The following ANKRD30A variants were observed in gnomAD, a reference collection of about 807,000 sequenced individuals.
The protein encoded by ANKRD30A is ankyrin repeat domain 30A.
ANKRD30A carries 170 observed loss-of-function variants against 166.3 expected under a neutral mutation model. The observed-to-expected ratio is 1.02, with a 90% CI of 0.90 to 1.16. The LOEUF is 1.16. ANKRD30A is among the 50% of genes most tolerant of loss of function. The probability of loss-of-function intolerance (pLI) is 0.00; values close to 1 mark genes in which losing one functional copy is unlikely to be tolerated. For missense variants in ANKRD30A, 1,630 were observed against 1,518.0 expected (o/e 1.07, Z -1.23); for synonymous variants, 564 against 508.9 (o/e 1.11, Z -1.46).
chr10:37,146,144 C>T (rs1837493899), intron 8 of ANKRD30A, among the ~76,000 whole-genome samples: 1 of 150,092 alleles, frequency 6.7e-6, no homozygotes, highest in African/African-American at 2.5e-5. Flanking sequence ...CAGACTTTAT[C>T]TAATTTGTCC....
intron 28 of ANKRD30A, 28 bp downstream of exon 28, chr10:37,197,337 A>G: frequency 2.7e-5 from 44 of 1,613,216 alleles, no homozygotes; most frequent in Non-Finnish European, 3.7e-5. Flanking sequence ...TTCATTTTGA[A>G]TGACTTATTA....
rs1842611957 is a variant in ANKRD30A at position 37,216,414 on chromosome 10, A to G, written c.3083+20A>G. 1 of 1,564,092 alleles carries G rather than the reference A, an allele frequency of 6.4e-7. No homozygotes were observed. Among genetic ancestry groups the G allele is most frequent in the South Asian group, 1.2e-5 (1 of 84,198 alleles). On this transcript the variant is annotated intron_variant, in intron 32 of 35. Coordinates refer to ENST00000361713, the MANE Select transcript of ANKRD30A (RefSeq NM_052997.3). ...TGTGAGGTGTGATTTCCTAGTTTTA[A>G]ATAAATATTTCAGCTATTTATACTA...
chr10:37,218,214 A>C (rs555438697), intron 33 of ANKRD30A, among the ~76,000 whole-genome samples: 1 of 150,942 alleles, frequency 6.6e-6, no homozygotes, highest in East Asian at 1.9e-4. Context: ...AAGAGGAAGC[A>C]AAAGTTACAG....
chr10:37,137,140 T>C (rs1180232964), intron 6 of ANKRD30A, among the ~76,000 whole-genome samples: 1 of 151,958 alleles, frequency 6.6e-6, no homozygotes, highest in African/African-American at 2.4e-5. Flanking sequence ...TTAATATATT[T>C]ATAAATAAAT....
At position 37,149,962 on chromosome 10, in the gene ANKRD30A, T is replaced by G. The variant is rs1405660949; in HGVS notation, c.1645+113T>G. ...TCAACTTTGATGAAAACATTTGATC[T>G]AGATAATGCCAATACTGGTATTGAT... On this transcript the variant is annotated intron_variant, in intron 11 of 35. Coordinates refer to ENST00000361713, the MANE Select transcript of ANKRD30A (RefSeq NM_052997.3). 8.4e-6 allele frequency: 12 copies of G among 1,424,000 alleles called. No homozygotes were observed. The African/African-American group carries it at 1.0e-4, about 12-fold the overall frequency. 88.2% of individuals were successfully genotyped at this position (1,424,000 alleles called of 1,614,324 possible).
chr10:37,243,907 A>G, the ANKRD30A span, among the ~76,000 whole-genome samples: 1 of 151,908 alleles, frequency 6.6e-6, no homozygotes, highest in Non-Finnish European at 1.5e-5. Context: ...AATCAACGTC[A>G]GTAGATTGCA....
At chr10:37,237,073 A>G (rs979533338), downstream of ANKRD30A, among the ~76,000 whole-genome samples, 3 of 152,234 alleles carry the variant, frequency 2.0e-5, no homozygotes, top group African/African-American at 4.8e-5. Context: ...GCACCTAAAC[A>G]TGATTGAGCT....
intron 29 of ANKRD30A, 67 bp from the exon 30 acceptor site, chr10:37,199,660 T>C: frequency 9.5e-7 from 1 of 1,054,404 alleles, no homozygotes; most frequent in South Asian, 1.3e-5. Context: ...AGTAGATTTG[T>C]ATATGTTTTT....
rs775794106 is a variant in ANKRD30A, at chr10:37,193,231, T to C, written c.2587T>C (p.Leu863=). 6.2e-7 allele frequency: 1 copy of C among 1,611,816 alleles called. No homozygotes were observed. The highest frequency in any genetic ancestry group is 2.2e-5 in the East Asian group (1 of 44,596). The change falls in exon 27 of 36, where the codon TTG becomes CTG. Residue 863 remains leucine, a synonymous_variant. Transcript: ENST00000361713. ...KVSIPTKALE[L]MDMQTFKAEP... ...TTCTATTCCAACTAAAGCCTTAGAATTGATGGACATGCAAACTTTCAAAGC... is the reference window on the plus strand; with the variant it reads ...TTCTATTCCAACTAAAGCCTTAGAACTGATGGACATGCAAACTTTCAAAGC...
At chr10:37,191,290 T>C (rs991986174) in intron 25 of ANKRD30A, among the ~76,000 whole-genome samples, 2 of 151,948 alleles carry the variant, frequency 1.3e-5, no homozygotes, top group African/African-American at 2.4e-5. Flanking sequence ...GGAATATTTA[T>C]ATTTAATATT....
At chr10:37,157,484 G>C (rs1364922906) in intron 13 of ANKRD30A, among the ~76,000 whole-genome samples, 1 of 152,164 alleles carries the variant, frequency 6.6e-6, no homozygotes, top group Non-Finnish European at 1.5e-5. Flanking sequence ...TGGTACCTCA[G>C]GCACCCAAGT....
the ANKRD30A span, among the ~76,000 whole-genome samples, chr10:37,250,637 C>T: frequency 6.6e-6 from 1 of 152,044 alleles, no homozygotes; most frequent in Non-Finnish European, 1.5e-5. Context: ...GTTTTGAGGG[C>T]AAACCTCTCA....
rs576973979 is a variant in ANKRD30A, at chr10:37,156,509, A to T, written c.1799-1883A>T. Among the ~76,000 whole-genome samples, 448 of 152,334 alleles carry T rather than the reference A, an allele frequency of 2.9e-3. 2 individuals are homozygous for T. The highest frequency in any genetic ancestry group is 4.4e-3 in the Admixed American group (68 of 15,306). On this transcript the variant is annotated intron_variant, in intron 13 of 35. Coordinates refer to ENST00000361713, the MANE Select transcript of ANKRD30A (RefSeq NM_052997.3). ...ATAGGATTCTTAAGTGCCAAGTGAT[A>T]AATGGTTCCTTGATGATGAGCTCAC...
downstream of ANKRD30A, among the ~76,000 whole-genome samples, chr10:37,235,654 A>G (rs189834620): frequency 2.0e-5 from 3 of 152,318 alleles, no homozygotes; most frequent in Admixed American, 2.0e-4. Flanking sequence ...TTATAATATC[A>G]AGTATAATGT....
At chr10:37,157,039 T>G (rs1838435852) in intron 13 of ANKRD30A, among the ~76,000 whole-genome samples, 1 of 152,204 alleles carries the variant, frequency 6.6e-6, no homozygotes. Flanking sequence ...TCTAAATATA[T>G]TAAAGCATGT....
intron 29 of ANKRD30A, 77 bp downstream of exon 29, chr10:37,197,557 C>CT: frequency 3.1e-6 from 5 of 1,597,284 alleles, no homozygotes; most frequent in Non-Finnish European, 4.3e-6. Context: ...ATCCCCAATG[C>CT]TTTATTTTTT....
At chr10:37,149,977 C>T in intron 11 of ANKRD30A, 128 bp downstream of exon 11, 5 of 1,289,850 alleles carry the variant, frequency 3.9e-6, no homozygotes, top group Non-Finnish European at 4.2e-6. Context: ...AATGCCAATA[C>T]TGGTATTGAT....
At chr10:37,171,900 C>T (rs1245598147) in intron 21 of ANKRD30A, among the ~76,000 whole-genome samples, 7 of 144,396 alleles carry the variant, frequency 4.8e-5, no homozygotes, top group South Asian at 2.2e-4. Flanking sequence ...AAATTCTCCA[C>T]GGCTTCACAT....
chr10:37,212,420 A>G (rs1333274392), intron 31 of ANKRD30A, among the ~76,000 whole-genome samples: 1 of 152,100 alleles, frequency 6.6e-6, no homozygotes. Flanking sequence ...GGAAGAATCA[A>G]TGTCGTAAAA....
Sources: gnomAD v4.1 joint callset for allele counts (sites outside exome capture counted in the v4.1 genomes callset) on GRCh38, gnomAD v4.1.1 for gene constraint, MANE v1.5 for transcripts, NCBI Gene and HGNC (gene_info 2026-07-23, HGNC 2026-07-21) for gene names.